The following CYP4F11 variants were observed in gnomAD, a reference collection of about 807,000 sequenced individuals.
CYP4F11 encodes cytochrome P450 family 4 subfamily F member 11.
A neutral mutation model predicts 62.2 loss-of-function variants in CYP4F11; 79 were observed. The ratio of observed to expected loss-of-function variants is 1.27; its 90% CI spans 1.06 to 1.53. CYP4F11 has a LOEUF of 1.53. Among genes scored for constraint, CYP4F11 ranks in the 40% most tolerant of loss-of-function variants. The pLI is 0.00. For synonymous variants in CYP4F11, 290 were observed against 263.7 expected (o/e 1.10, Z -0.97); for missense variants, 777 against 680.5 (o/e 1.14, Z -1.58).
chr19:15,925,938 G>A (rs1182822069), intron 4 of CYP4F11, among the ~76,000 whole-genome samples: 1 of 151,868 alleles, frequency 6.6e-6, no homozygotes, highest in African/African-American at 2.4e-5. Flanking sequence ...GCCAAGGCAG[G>A]TGGATCGTGA....
intron 1 of CYP4F11, among the ~76,000 whole-genome samples, chr19:15,930,093 A>G (rs888510237): frequency 8.1e-6 from 1 of 123,486 alleles, no homozygotes; most frequent in African/African-American, 2.9e-5. Flanking sequence ...CATGCATGAG[A>G]TATAAGCGGG....
At chr19:15,932,393 T>C (rs1326110277) in intron 1 of CYP4F11, among the ~76,000 whole-genome samples, 4 of 95,764 alleles carry the variant, frequency 4.2e-5, no homozygotes, top group Admixed American at 1.9e-4. Context: ...GGGAGAGGAA[T>C]GAGTGAGTGA....
chr19:15,922,189 T>C (rs749862679), intron 7 of CYP4F11, 23 bp from the exon 8 acceptor site: 222 of 1,603,784 alleles, frequency 1.4e-4, no homozygotes, highest in Non-Finnish European at 1.8e-4. Context: ...CAAGCAAAAC[T>C]GGGTTTCTGG....
chr19:15,915,494 A>T (rs2145036846), intron 8 of CYP4F11, among the ~76,000 whole-genome samples: 1 of 152,316 alleles, frequency 6.6e-6, no homozygotes, highest in South Asian at 2.1e-4. Context: ...GTGGCTCTAA[A>T]TTTAAAAACT....
In CYP4F11 at chr19:15,914,629, G is replaced by T; in HGVS notation, c.1287C>A (p.Tyr429Ter). 1 of 1,614,222 alleles carries T rather than the reference G, an allele frequency of 6.2e-7. No homozygotes were observed. Among genetic ancestry groups the T allele is most frequent in the Non-Finnish European group, 8.5e-7 (1 of 1,180,034 alleles). Residue 429 changes from tyrosine to a stop codon, truncating the protein, a stop_gained, in exon 10 of 12, where the codon TAC becomes TAA. Coordinates refer to ENST00000402119, the MANE Select transcript of CYP4F11 (RefSeq NM_021187.4). LOFTEE classifies it high-confidence loss of function. Reference protein sequence around the residue: ...VCLINIIGIHYNPTVWPDPEV... With the variant: ...VCLINIIGIH The stretch of plus-strand genomic sequence containing the variant: ...CAGGGTCTGGCCACACAGTTGGGTT[G>T]TAATGGATCCCGATAATATTGATGA...
intron 4 of CYP4F11, among the ~76,000 whole-genome samples, chr19:15,925,113 A>G (rs981187216): frequency 1.3e-5 from 2 of 152,104 alleles, no homozygotes; most frequent in African/African-American, 4.8e-5. Context: ...TCAGCCTCCT[A>G]TGGTCTGTGT....
chr19:15,924,159 C>T, intron 5 of CYP4F11, 77 bp from the exon 6 acceptor site: 3 of 1,520,006 alleles, frequency 2.0e-6, no homozygotes, highest in Non-Finnish European at 2.7e-6. Context: ...AGCTACTGCC[C>T]ATCAGGAAAT....
In CYP4F11 at chr19:15,913,858, C is replaced by T. The variant is rs776641299; in HGVS notation, c.1449G>A (p.Ala483=). Residue 483 remains alanine (A), a synonymous_variant, in exon 12 of 12, where the codon GCG becomes GCA. Transcript: ENST00000402119. ...FAMAEMKVVL[A]LTLLHFRILP... ...GGATGCGGAAGTGCAGCAGGGTGAGCGCCAGGACCACCTTCATCTCAGCCA... is the reference window on the plus strand; with the variant it reads ...GGATGCGGAAGTGCAGCAGGGTGAGTGCCAGGACCACCTTCATCTCAGCCA... 1.2e-6 allele frequency: 2 copies of T among 1,614,084 alleles called. No homozygotes were observed. The highest frequency in any genetic ancestry group is 2.2e-5 in the East Asian group (1 of 44,868).
At chr19:15,934,627 G>A (rs762141845), upstream of CYP4F11, 36 of 537,026 alleles carry the variant, frequency 6.7e-5, no homozygotes, top group Non-Finnish European at 1.1e-4. Context: ...GAAAGAGAGA[G>A]AGAGGCTGAT....
Position 15,927,236 on chromosome 19 carries a change from G to A in CYP4F11, c.501C>T (p.Phe167=), listed in dbSNP as rs374419941. The change falls in exon 4 of 12, where the codon TTC becomes TTT. Residue 167 remains phenylalanine, a synonymous_variant. Transcript: ENST00000402119. ...CGTGCATGATGTTCACACTCTTGTTGAAAATCTTCATATAAGGCTTCAAGA... is the reference window on the plus strand; with the variant it reads ...CGTGCATGATGTTCACACTCTTGTTAAAAATCTTCATATAAGGCTTCAAGA... ...FNILKPYMKI[F]NKSVNIMHDK... The A allele has an allele frequency of 1.9e-6, 3 of 1,614,120 alleles. No individual in the cohort carries two copies. Among genetic ancestry groups the A allele is most frequent in the Non-Finnish European group, 2.5e-6 (3 of 1,180,008 alleles).
chr19:15,926,687 A>G (rs2089670822), intron 4 of CYP4F11, among the ~76,000 whole-genome samples: 1 of 152,206 alleles, frequency 6.6e-6, no homozygotes, highest in African/African-American at 2.4e-5. Flanking sequence ...CACATGGAGA[A>G]AAGTCCAGGT....
chr19:15,927,279 G>T lies in CYP4F11; in HGVS notation c.458C>A (p.Pro153His). 1 of 1,614,134 alleles carries T rather than the reference G, an allele frequency of 6.2e-7. No individual in the cohort carries two copies. The highest frequency in any genetic ancestry group is 8.5e-7 in the Non-Finnish European group (1 of 1,180,012). Residue 153 changes from proline to histidine, a missense_variant, in exon 4 of 12, where the codon CCT (proline) becomes CAT (histidine). Coordinates refer to ENST00000402119, the MANE Select transcript of CYP4F11 (RefSeq NM_021187.4). Reference sequence around the variant, plus strand: ...CTTCAAGATGTTGAAATGGAAGGCAGGCGTCAACATCCGACGGTGGCGGCT... The same window carrying T: ...CTTCAAGATGTTGAAATGGAAGGCATGCGTCAACATCCGACGGTGGCGGCT... Reference protein sequence around the residue: ...KWSRHRRMLTPAFHFNILKPY... With the variant: ...KWSRHRRMLTHAFHFNILKPY...
At position 15,923,916 on chromosome 19, in the gene CYP4F11, G is replaced by C; in HGVS notation, c.814C>G (p.Gln272Glu). ...GTGGGGAGGGTGCAGCGCCGCTCCT[G>C]GATGACGGCATCTGTGAAGTCGTGC... ...LVHDFTDAVI[Q>E]ERRCTLPTQG... Residue 272 changes from glutamine to glutamate, a missense_variant, in exon 6 of 12, where the codon CAG becomes GAG. Transcript: ENST00000402119. 6.2e-7 allele frequency: 1 copy of C among 1,614,198 alleles called. No homozygotes were observed. Among genetic ancestry groups the C allele is most frequent in the South Asian group, 1.1e-5 (1 of 91,072 alleles).
chr19:15,922,784 T>G (rs2089638803), intron 6 of CYP4F11, among the ~76,000 whole-genome samples: 1 of 152,210 alleles, frequency 6.6e-6, no homozygotes, highest in Admixed American at 6.5e-5. Flanking sequence ...CTGGGCGTAA[T>G]GGCTCACGCC....
At chr19:15,925,086 T>C (rs1303406569) in intron 4 of CYP4F11, among the ~76,000 whole-genome samples, 4 of 152,188 alleles carry the variant, frequency 2.6e-5, no homozygotes, top group African/African-American at 7.2e-5. Flanking sequence ...TCGAGAGATC[T>C]GGGTTCAAGT....
intron 11 of CYP4F11, among the ~76,000 whole-genome samples, 166 bp downstream of exon 11, chr19:15,914,139 G>A (rs975889527): frequency 6.6e-6 from 1 of 152,094 alleles, no homozygotes; most frequent in South Asian, 2.1e-4. Flanking sequence ...TGAGCACACC[G>A]CAGACCCCTC....
At chr19:15,928,643 C>G (rs7257522) in intron 2 of CYP4F11, among the ~76,000 whole-genome samples, 83,418 of 151,958 alleles carry the variant, frequency 0.55, 23,344 homozygotes, top group Non-Finnish European at 0.61. Context: ...GAGCTGAGGA[C>G]CTGCCCAGAG....
intron 8 of CYP4F11, among the ~76,000 whole-genome samples, chr19:15,920,050 C>T (rs534417330): frequency 4.6e-5 from 7 of 152,106 alleles, no homozygotes; most frequent in South Asian, 2.1e-4. Flanking sequence ...TTTTCCAAAA[C>T]GGCTAAAAGA....
At chr19:15,915,963 C>T (rs112161852) in intron 8 of CYP4F11, among the ~76,000 whole-genome samples, 2,566 of 151,744 alleles carry the variant, frequency 0.017, 65 homozygotes, top group African/African-American at 0.058. Context: ...TAACAAGAGA[C>T]GTAAAGTCTC....
Sources: allele counts gnomAD v4.1 joint callset (sites outside exome capture counted in the v4.1 genomes callset), GRCh38; gene constraint gnomAD v4.1.1; transcripts MANE v1.5; gene names NCBI Gene and HGNC (gene_info 2026-07-23, HGNC 2026-07-21).